NEK11: variants seen among roughly 807,000 people sequenced by gnomAD.
NEK11 encodes the protein serine/threonine-protein kinase Nek11.
A neutral mutation model predicts 80.7 loss-of-function variants in NEK11; 72 were observed. That is an observed-to-expected ratio of 0.89 (90% CI 0.74 to 1.08). The LOEUF is 1.08. NEK11 is among the 50% of genes least tolerant of loss of function. The probability of loss-of-function intolerance (pLI) is 0.00; values close to 1 mark genes in which losing one functional copy is unlikely to be tolerated. For missense variants in NEK11, 764 were observed against 763.6 expected (o/e 1.00, Z -0.01); for synonymous variants, 251 against 260.7 (o/e 0.96, Z 0.36).
intron 16 of NEK11, among the ~76,000 whole-genome samples, chr3:131,259,509 T>G (rs1014419191): frequency 5.9e-5 from 9 of 152,138 alleles, no homozygotes; most frequent in Non-Finnish European, 8.8e-5. Context: ...TAGGAAGCCG[T>G]CTCTGACAGA....
intron 17 of NEK11, among the ~76,000 whole-genome samples, chr3:131,331,032 C>A (rs1006229044): frequency 2.0e-5 from 3 of 152,160 alleles, no homozygotes; most frequent in Non-Finnish European, 4.4e-5. Flanking sequence ...CCCTCAAGAC[C>A]AAATTACTTC....
intron 3 of NEK11, among the ~76,000 whole-genome samples, chr3:131,030,395 GA>G (rs2064648350): frequency 6.6e-6 from 1 of 152,218 alleles, no homozygotes; most frequent in African/African-American, 2.4e-5. Context: ...AAGGGAGCTA[GA>G]AATGGGATAG....
intron 4 of NEK11, among the ~76,000 whole-genome samples, chr3:131,108,757 C>T (rs1052147552): frequency 2.0e-5 from 3 of 151,932 alleles, no homozygotes; most frequent in Non-Finnish European, 4.4e-5. Context: ...AATGCTTAAA[C>T]GATGTGCTTG....
chr3:131,213,762 C>T (rs1007741578), intron 14 of NEK11, among the ~76,000 whole-genome samples: 1 of 152,088 alleles, frequency 6.6e-6, no homozygotes, highest in Non-Finnish European at 1.5e-5. Flanking sequence ...CAATCTGAAC[C>T]CAGAGTTCAT....
chr3:131,342,332 C>T (rs1031539526), intron 17 of NEK11, among the ~76,000 whole-genome samples: 2 of 152,118 alleles, frequency 1.3e-5, no homozygotes, highest in Non-Finnish European at 1.5e-5. Context: ...GTTGAAATGA[C>T]GATATTAAAG....
At chr3:131,184,726 A>G in intron 14 of NEK11, 1 of 1,252,542 alleles carries the variant, frequency 8.0e-7, no homozygotes, top group Non-Finnish European at 1.0e-6. Context: ...ATTTCACTAG[A>G]CGAATACTGG....
At chr3:131,160,860 A>G (rs1195889707) in intron 10 of NEK11, among the ~76,000 whole-genome samples, 1 of 152,218 alleles carries the variant, frequency 6.6e-6, no homozygotes, top group Non-Finnish European at 1.5e-5. Flanking sequence ...GTTCAATTCA[A>G]CAAGAAGATC....
At chr3:131,277,551 A>C (rs776820556) in intron 17 of NEK11, among the ~76,000 whole-genome samples, 6 of 152,338 alleles carry the variant, frequency 3.9e-5, no homozygotes, top group South Asian at 2.1e-4. Context: ...TATCAGGCAA[A>C]TGACTTTGTC....
At chr3:131,107,097 G>A (rs2079298131) in intron 4 of NEK11, among the ~76,000 whole-genome samples, 1 of 152,078 alleles carries the variant, frequency 6.6e-6, no homozygotes. Context: ...TAAAGAGTGT[G>A]TCCCATTGCT....
At chr3:131,297,947 C>T (rs2096616402) in intron 17 of NEK11, among the ~76,000 whole-genome samples, 2 of 151,828 alleles carry the variant, frequency 1.3e-5, no homozygotes, top group South Asian at 2.1e-4. Context: ...TTGTTTTTCT[C>T]GGGTTTGTCA....
At chr3:131,333,743 C>T (rs1180189311) in intron 17 of NEK11, among the ~76,000 whole-genome samples, 4 of 152,174 alleles carry the variant, frequency 2.6e-5, no homozygotes, top group African/African-American at 9.7e-5. Context: ...CTGAGACACA[C>T]ATAGGCTCAA....
chr3:131,238,035 T>G (rs1230890566), intron 15 of NEK11, among the ~76,000 whole-genome samples: 1 of 152,166 alleles, frequency 6.6e-6, no homozygotes, highest in African/African-American at 2.4e-5. Flanking sequence ...AGAATTGTCC[T>G]CACTCACTCC....
chr3:131,305,716 C>T (rs1167722412), intron 17 of NEK11, among the ~76,000 whole-genome samples: 1 of 152,178 alleles, frequency 6.6e-6, no homozygotes. Context: ...TGCTAGAATT[C>T]CAGAGGTTGA....
chr3:131,158,408 AC>A (rs1347396602), intron 10 of NEK11, among the ~76,000 whole-genome samples: 2 of 151,332 alleles, frequency 1.3e-5, no homozygotes, highest in Non-Finnish European at 2.9e-5. Context: ...AGTGTATCCC[AC>A]CTCACCTCCC....
intron 14 of NEK11, among the ~76,000 whole-genome samples, chr3:131,194,328 G>A (rs1343362741): frequency 6.6e-6 from 1 of 152,148 alleles, no homozygotes; most frequent in Non-Finnish European, 1.5e-5. Context: ...TGGAATAAAT[G>A]CAGTTCTAGT....
chr3:131,325,762 T>C (rs1186792334), intron 17 of NEK11: 1 of 152,190 alleles, frequency 6.6e-6, no homozygotes, highest in African/African-American at 2.4e-5. Context: ...AAACTTCCAG[T>C]GTACACACTG....
chr3:131,105,949 C>G lies in NEK11; in HGVS notation c.337-3854C>G, dbSNP rs138694003. On this transcript the variant is annotated intron_variant, in intron 4 of 17. Transcript: ENST00000383366. Reference sequence around the variant, plus strand: ...TCACATCCTCATAACTTATGCTTTTCCTTACCAAAAGCACATCTTACCTAT... The same window carrying G: ...TCACATCCTCATAACTTATGCTTTTGCTTACCAAAAGCACATCTTACCTAT... 3.4e-3 allele frequency among the ~76,000 whole-genome samples: 521 copies of G among 152,306 alleles called. 2 individuals carry two copies. The highest frequency in any genetic ancestry group is 0.012 in the African/African-American group (479 of 41,556).
At chr3:131,201,939 G>A (rs139392335) in intron 14 of NEK11, among the ~76,000 whole-genome samples, 111 of 152,206 alleles carry the variant, frequency 7.3e-4, no homozygotes, top group Admixed American at 1.9e-3. Flanking sequence ...GGATTCAAGC[G>A]ATTCTCTGCC....
intron 15 of NEK11, among the ~76,000 whole-genome samples, chr3:131,234,437 A>G (rs1280490697): frequency 6.6e-6 from 1 of 152,236 alleles, no homozygotes; most frequent in Non-Finnish European, 1.5e-5. Context: ...GCAGACTCCC[A>G]GCTGTTTCAG....
Sources: allele counts gnomAD v4.1 joint callset (sites outside exome capture counted in the v4.1 genomes callset), GRCh38; gene constraint gnomAD v4.1.1; transcripts MANE v1.5; gene names NCBI Gene and HGNC (gene_info 2026-07-23, HGNC 2026-07-21).